Variants in OR10G7 observed in about 807,000 individuals in gnomAD.
OR10G7 encodes olfactory receptor family 10 subfamily G member 7.
For missense variants in OR10G7, 338 were observed against 382.1 expected (o/e 0.88, Z 0.96); for synonymous variants, 165 against 167.4 (o/e 0.99, Z 0.11).
chr11:124,036,763 T>C lies in OR10G7; in HGVS notation c.*1303A>G, dbSNP rs544007539. On this transcript the variant is annotated 3_prime_UTR_variant, in exon 2 of 2. Transcript: ENST00000641585. ...CTTATACTGATCATGGTTTATGTAG[T>C]TCATGCTTCATGTACTGTGTCATGG... 3 of 152,230 alleles carry C rather than the reference T, an allele frequency of 2.0e-5. No individual in the cohort carries two copies. Among genetic ancestry groups the C allele is most frequent in the Non-Finnish European group, 4.4e-5 (3 of 68,038 alleles). 9.4% of individuals were successfully genotyped at this position (152,230 alleles called of 1,614,324 possible).
rs2137570716 is a variant in OR10G7 at position 124,038,864 on chromosome 11, C to T, written c.138G>A (p.Val46=). The change falls in exon 2 of 2, where the codon GTG becomes GTA. Residue 46 remains valine (V), a synonymous_variant. Transcript: ENST00000641585. ...TVLGNLLILL[V]IRVDSHLHTP... ...TGTGGAGGTGAGAATCCACCCTGATCACCAGCAGGATGAGGAGGTTCCCCA... is the reference window on the plus strand; with the variant it reads ...TGTGGAGGTGAGAATCCACCCTGATTACCAGCAGGATGAGGAGGTTCCCCA... 6 of 1,613,758 alleles carry T rather than the reference C, an allele frequency of 3.7e-6. No homozygotes were observed. The highest frequency in any genetic ancestry group is 1.7e-4 in the Middle Eastern group (1 of 6,056).
chr11:124,038,901 A>C lies in OR10G7; in HGVS notation c.101T>G (p.Val34Gly), dbSNP rs755018090. 7 of 1,613,700 alleles carry C rather than the reference A, an allele frequency of 4.3e-6. No individual in the cohort carries two copies. In the East Asian group the frequency reaches 1.6e-4, roughly 36 times the overall value. ...PLFGIFLVVY[V>G]LTVLGNLLIL... ...GAGGAGGTTCCCCAGCACAGTGAGCACGTAAACCACCAGGAAGATTCCAAA... is the reference window on the plus strand; with the variant it reads ...GAGGAGGTTCCCCAGCACAGTGAGCCCGTAAACCACCAGGAAGATTCCAAA... Residue 34 changes from valine to glycine, a missense_variant, in exon 2 of 2, where the codon GTG becomes GGG. Transcript: ENST00000641585.
In OR10G7 at chr11:124,038,396, A is replaced by G. The variant is rs1376697375; in HGVS notation, c.606T>C (p.Ile202=). Residue 202 remains isoleucine, a synonymous_variant, in exon 2 of 2, where the codon ATT becomes ATC. Transcript: ENST00000641585. ...SANEMVIFVN[I]GLVASGCFVL... Reference sequence around the variant, plus strand: ...CAAAGCAGCCCGAGGCCACTAGCCCAATATTCACAAAGATGACCATCTCGT... The same window carrying G: ...CAAAGCAGCCCGAGGCCACTAGCCCGATATTCACAAAGATGACCATCTCGT... 1.2e-6 allele frequency: 2 copies of G among 1,614,108 alleles called. No individual in the cohort carries two copies. The highest frequency in any genetic ancestry group is 1.7e-6 in the Non-Finnish European group (2 of 1,180,006).
Position 124,041,247 on chromosome 11 carries a change from G to T in OR10G7, c.-382C>A, listed in dbSNP as rs958499283. On this transcript the variant is annotated 5_prime_UTR_variant, in exon 1 of 2. Coordinates refer to ENST00000641585, the MANE Select transcript of OR10G7 (RefSeq NM_001004463.2). ...CTGGATCTGAAAACTCCTTGTGCAG[G>T]GAATGATTTTTTTCCTATTTCTTTT... 6.6e-6 allele frequency: 1 copy of T among 151,956 alleles called. No homozygotes were observed. Among genetic ancestry groups the T allele is most frequent in the African/African-American group, 2.4e-5 (1 of 41,308 alleles). The allele number at this position is 151,956 out of a possible 1,614,324, so 9.4% of individuals were successfully genotyped here.
At position 124,036,974 on chromosome 11, in the gene OR10G7, T is replaced by A. The variant is rs1864197406; in HGVS notation, c.*1092A>T. The stretch of plus-strand genomic sequence containing the variant: ...TTCAGTTCTAGCAGCTGCCTTCTAG[T>A]TTTCTTTTACTCTTCATGCTATGCT... On this transcript the variant is annotated 3_prime_UTR_variant, in exon 2 of 2. Transcript: ENST00000641585. The A allele has an allele frequency of 6.6e-6, 1 of 152,242 alleles. No individual in the cohort carries two copies. The highest frequency in any genetic ancestry group is 1.5e-5 in the Non-Finnish European group (1 of 68,038). The allele number at this position is 152,242 out of a possible 1,614,324, so 9.4% of individuals were successfully genotyped here.
chr11:124,040,826 C>G (rs1864235678), intron 1 of OR10G7, 60 bp downstream of exon 1: 1 of 152,102 alleles, frequency 6.6e-6, no homozygotes, highest in African/African-American at 2.4e-5. Flanking sequence ...ATAATCACCT[C>G]CCCTCAAAAA....
chr11:124,036,732 T>C lies in OR10G7; in HGVS notation c.*1334A>G, dbSNP rs1396622661. 1 of 152,202 alleles carries C rather than the reference T, an allele frequency of 6.6e-6. No individual in the cohort carries two copies. Among genetic ancestry groups the C allele is most frequent in the African/African-American group, 2.4e-5 (1 of 41,454 alleles). 9.4% of individuals were successfully genotyped at this position (152,202 alleles called of 1,614,324 possible). A position where few individuals can be genotyped will look rare whatever the true frequency, so the allele number is the denominator to read the frequency against. ...GTTTCTTGGTGTGAAAACCAAAAAT[T>C]TACCTCTTATACTGATCATGGTTTA... On this transcript the variant is annotated 3_prime_UTR_variant, in exon 2 of 2. Coordinates refer to ENST00000641585, the MANE Select transcript of OR10G7 (RefSeq NM_001004463.2).
At position 124,038,304 on chromosome 11, in the gene OR10G7, C is replaced by T. The variant is rs533864228; in HGVS notation, c.698G>A (p.Arg233Lys). Residue 233 changes from arginine to lysine, a missense_variant, in exon 2 of 2, where the codon AGG becomes AAG. Coordinates refer to ENST00000641585, the MANE Select transcript of OR10G7 (RefSeq NM_001004463.2). ...GGCACAGGTCTGAAAGGCTCTGTGC[C>T]TCCCCTCTGAGGTGCGGATCCGCAG... is the stretch of plus-strand genomic sequence containing the variant. Reference protein sequence around the residue: ...SILRIRTSEGRHRAFQTCASH... With the variant: ...SILRIRTSEGKHRAFQTCASH... The T allele has an allele frequency of 8.0e-5, 129 of 1,613,894 alleles. No individual in the cohort carries two copies. The South Asian group carries it at 8.0e-4, about 10-fold the overall frequency.
rs769977171 is a variant in OR10G7, at chr11:124,038,206, C to T, written c.796G>A (p.Ala266Thr). 4 of 1,613,890 alleles carry T rather than the reference C, an allele frequency of 2.5e-6. No individual in the cohort carries two copies. Among genetic ancestry groups the T allele is most frequent in the Admixed American group, 1.7e-5 (1 of 60,002 alleles). ...AAAACGGCCACAACCCCATGCAAGG[C>T]GTCCCTGGAGCCTGGCCTCAGGTAA... ...FIYLRPGSRDALHGVVAVFYT... is the reference protein window; with the variant it reads ...FIYLRPGSRDTLHGVVAVFYT... The change falls in exon 2 of 2, where the codon GCC (alanine) becomes ACC (threonine). Residue 266 changes from alanine to threonine, a missense_variant. Coordinates refer to ENST00000641585, the MANE Select transcript of OR10G7 (RefSeq NM_001004463.2).
Position 124,037,143 on chromosome 11 carries a change from G to A in OR10G7, c.*923C>T, listed in dbSNP as rs997418949. 2.0e-5 allele frequency: 3 copies of A among 152,312 alleles called. No homozygotes were observed. Among genetic ancestry groups the A allele is most frequent in the Middle Eastern group, 3.4e-3 (1 of 294 alleles). 9.4% of individuals were successfully genotyped at this position (152,312 alleles called of 1,614,324 possible). ...GGTCTGAGCCTTACCTACCCAGAGA[G>A]TGTACAGAGTCCATTTCATATACTT... On this transcript the variant is annotated 3_prime_UTR_variant, in exon 2 of 2. Transcript: ENST00000641585.
rs761554342 is a variant in OR10G7 at position 124,038,357 on chromosome 11, C to G, written c.645G>C (p.Leu215=). The G allele has an allele frequency of 1.2e-6, 2 of 1,614,158 alleles. No individual in the cohort carries two copies. The highest frequency in any genetic ancestry group is 1.7e-6 in the Non-Finnish European group (2 of 1,180,050). The change falls in exon 2 of 2, where the codon CTG becomes CTC. Residue 215 remains leucine, a synonymous_variant. Transcript: ENST00000641585. ...VASGCFVLIV[L]SYVSIVCSIL... ...TGGAACAGACGATGGACACATAGGA[C>G]AGCACTATCAGGACAAAGCAGCCCG...
At position 124,036,754 on chromosome 11, in the gene OR10G7, T is replaced by G. The variant is rs1864195557; in HGVS notation, c.*1312A>C. ...AATTTACCTCTTATACTGATCATGG[T>G]TTATGTAGTTCATGCTTCATGTACT... On this transcript the variant is annotated 3_prime_UTR_variant, in exon 2 of 2. Coordinates refer to ENST00000641585, the MANE Select transcript of OR10G7 (RefSeq NM_001004463.2). The G allele has an allele frequency of 6.6e-6, 1 of 152,182 alleles. No homozygotes were observed. The highest frequency in any genetic ancestry group is 1.5e-5 in the Non-Finnish European group (1 of 68,024). The allele number at this position is 152,182 out of a possible 1,614,324, so 9.4% of individuals were successfully genotyped here. A position where few individuals can be genotyped will look rare whatever the true frequency, so the allele number is the denominator to read the frequency against.
Position 124,038,595 on chromosome 11 carries a change from G to C in OR10G7, c.407C>G (p.Thr136Ser), listed in dbSNP as rs513591. 24,124 of 1,613,904 alleles carry C rather than the reference G, an allele frequency of 0.015. 617 individuals carry two copies. Among genetic ancestry groups the C allele is most frequent in the African/African-American group, 0.092 (6,917 of 74,890 alleles). The change falls in exon 2 of 2, where the codon ACT becomes AGT. Residue 136 changes from threonine to serine, a missense_variant. Physicochemically the swap from Thr to Ser is moderately conservative, Grantham distance 58. Transcript: ENST00000641585. ...GGCCAGGAGGGCACACGAGCGCCCA[G>C]TCATCATGTTGGTGTACCTGAGCGG... Reference protein sequence around the residue: ...SYPLRYTNMMTGRSCALLATG... With the variant: ...SYPLRYTNMMSGRSCALLATG...
At chr11:124,039,293 T>C (rs1036844828) in intron 1 of OR10G7, among the ~76,000 whole-genome samples, 3 of 152,086 alleles carry the variant, frequency 2.0e-5, no homozygotes, top group African/African-American at 7.3e-5. Flanking sequence ...TTCTGTAGAA[T>C]TGGAAAAGAT....
rs3894199 is a variant in OR10G7, at chr11:124,038,943, C to G, written c.59G>C (p.Gly20Ala). The stretch of plus-strand genomic sequence containing the variant: ...GATTCCAAAGAGGGGGGCGTCCAGC[C>G]CTGGGGCATGGGGAAGGCCCGTGAG... ...FILTGLPHAP[G>A]LDAPLFGIFL... The change falls in exon 2 of 2, where the codon GGG becomes GCG. Residue 20 changes from glycine to alanine, a missense_variant. Gly to Ala is a moderately conservative substitution (Grantham distance 60). Transcript: ENST00000641585. 0.27 allele frequency: 435,865 copies of G among 1,599,238 alleles called. 23,830 individuals are homozygous for G. The highest frequency in any genetic ancestry group is 0.36 in the East Asian group (16,139 of 44,610).
rs2137568977 is a variant in OR10G7 at position 124,036,883 on chromosome 11, G to C, written c.*1183C>G. 1 of 152,278 alleles carries C rather than the reference G, an allele frequency of 6.6e-6. No individual in the cohort carries two copies. Among genetic ancestry groups the C allele is most frequent in the South Asian group, 2.1e-4 (1 of 4,822 alleles). 9.4% of individuals were successfully genotyped at this position (152,278 alleles called of 1,614,324 possible). ...CAAGATATGGAAAGTTGGCACAAAG[G>C]AGCATTCTTGCTAAAGCATCTTTGA... On this transcript the variant is annotated 3_prime_UTR_variant, in exon 2 of 2. Transcript: ENST00000641585.
In OR10G7 at chr11:124,037,720, A is replaced by G. The variant is rs1478023520; in HGVS notation, c.*346T>C. ...AAGTTTAAAACATGAAAAGATTTTT[A>G]TAAGGCTTTGACTTAAATGACACAA... On this transcript the variant is annotated 3_prime_UTR_variant, in exon 2 of 2. Coordinates refer to ENST00000641585, the MANE Select transcript of OR10G7 (RefSeq NM_001004463.2). The G allele has an allele frequency of 6.5e-6, 1 of 154,394 alleles. No individual in the cohort carries two copies. Among genetic ancestry groups the G allele is most frequent in the Admixed American group, 6.5e-5 (1 of 15,352 alleles). 9.6% of individuals were successfully genotyped at this position (154,394 alleles called of 1,614,324 possible).
rs770247308 is a variant in OR10G7, at chr11:124,038,760, A to T, written c.242T>A (p.Met81Lys). Reference sequence around the variant, plus strand: ...CCTGCCGCTTGGGGACACCAAGGTCATCAGCATTTTGGGCACCGTGACAGT... The same window carrying T: ...CCTGCCGCTTGGGGACACCAAGGTCTTCAGCATTTTGGGCACCGTGACAGT... ...FSTVTVPKML[M>K]TLVSPSGRTI... Residue 81 changes from methionine to lysine, a missense_variant, in exon 2 of 2, where the codon ATG becomes AAG. Transcript: ENST00000641585. 56 of 1,613,946 alleles carry T rather than the reference A, an allele frequency of 3.5e-5. No individual in the cohort carries two copies. In the Middle Eastern group the frequency reaches 6.6e-4, roughly 19 times the overall value.
chr11:124,041,321 T>C lies in OR10G7; in HGVS notation c.-456A>G, dbSNP rs551209530. ...GGGTTTTAGTTATAAAGGAGCTAATTATCTGAAGAGGTGCATAGTCTCTCT... is the reference window on the plus strand; with the variant it reads ...GGGTTTTAGTTATAAAGGAGCTAATCATCTGAAGAGGTGCATAGTCTCTCT... On this transcript the variant is annotated 5_prime_UTR_variant, in exon 1 of 2. In the 5' UTR this introduces an upstream ATG that the reference lacks. Coordinates refer to ENST00000641585, the MANE Select transcript of OR10G7 (RefSeq NM_001004463.2). 6.6e-6 allele frequency: 1 copy of C among 152,302 alleles called. No homozygotes were observed. The highest frequency in any genetic ancestry group is 2.1e-4 in the South Asian group (1 of 4,834). 9.4% of individuals were successfully genotyped at this position (152,302 alleles called of 1,614,324 possible).
Sources: gnomAD v4.1 joint callset for allele counts (sites outside exome capture counted in the v4.1 genomes callset) on GRCh38, gnomAD v4.1.1 for gene constraint, MANE v1.5 for transcripts, NCBI Gene and HGNC (gene_info 2026-07-23, HGNC 2026-07-21) for gene names.